Variants in TNNI3K observed in about 807,000 individuals in gnomAD.
TNNI3K encodes TNNI3 interacting kinase.
In TNNI3K, 140 loss-of-function variants were observed where a neutral mutation model predicts 114.5. The observed-to-expected ratio is 1.22, with a 90% CI of 1.07 to 1.41. The LOEUF (loss-of-function observed/expected upper bound fraction) is 1.41, where lower values mean the gene tolerates loss of function less well. Among genes scored for constraint, TNNI3K ranks in the 40% most tolerant of loss-of-function variants. The probability of loss-of-function intolerance (pLI) is 0.00; values close to 1 mark genes in which losing one functional copy is unlikely to be tolerated. For missense variants in TNNI3K, 1,125 were observed against 1,007.6 expected (o/e 1.12, Z -1.58); for synonymous variants, 347 against 347.5 (o/e 1.00, Z 0.02).
At chr1:74,409,704 G>T (rs938943235) in intron 17 of TNNI3K, among the ~76,000 whole-genome samples, 1 of 152,000 alleles carries the variant, frequency 6.6e-6, no homozygotes, top group East Asian at 1.9e-4. Context: ...TTGTTGGCCA[G>T]GCTGGTCTCG....
intron 21 of TNNI3K, chr1:74,480,362 T>C (rs1302778090): frequency 1.4e-6 from 1 of 717,618 alleles, no homozygotes. Context: ...AGACTTAATG[T>C]AGTTTCTTAA....
chr1:74,327,187 G>A (rs940413194), intron 5 of TNNI3K, among the ~76,000 whole-genome samples: 4 of 151,116 alleles, frequency 2.6e-5, no homozygotes, highest in African/African-American at 4.9e-5. Flanking sequence ...AGAGTCAACT[G>A]GTAAATAAAA....
chr1:74,265,980 GT>G (rs1178167493), intron 4 of TNNI3K, among the ~76,000 whole-genome samples: 2 of 151,928 alleles, frequency 1.3e-5, no homozygotes, highest in African/African-American at 4.8e-5. Context: ...CATTTTCTTT[GT>G]TTTTTACATT....
chr1:74,396,020 A>T (rs553387661), intron 17 of TNNI3K, among the ~76,000 whole-genome samples: 1 of 152,218 alleles, frequency 6.6e-6, no homozygotes. Context: ...GAGATGGGTT[A>T]TGCTCTTTGT....
chr1:74,471,837 T>C, intron 21 of TNNI3K: 1 of 449,060 alleles, frequency 2.2e-6, no homozygotes, highest in Non-Finnish European at 3.9e-6. Context: ...GCTTTGAGTG[T>C]TGTCTACGAT....
chr1:74,411,883 G>T (rs1420762383), intron 17 of TNNI3K, among the ~76,000 whole-genome samples: 1 of 152,090 alleles, frequency 6.6e-6, no homozygotes, highest in South Asian at 2.1e-4. Flanking sequence ...TGTAGACATG[G>T]GAGAAGGGGC....
chr1:74,480,106 T>G, intron 21 of TNNI3K: 1 of 666,274 alleles, frequency 1.5e-6, no homozygotes, highest in Non-Finnish European at 2.8e-6. Flanking sequence ...TGCAAAAATA[T>G]GGACAAGAGA....
At chr1:74,431,719 C>A (rs1032234111) in intron 17 of TNNI3K, among the ~76,000 whole-genome samples, 2 of 152,080 alleles carry the variant, frequency 1.3e-5, no homozygotes, top group South Asian at 2.1e-4. Flanking sequence ...TATAAAGCAG[C>A]GTGATCAAAA....
intron 17 of TNNI3K, chr1:74,371,295 T>C (rs1424364690): frequency 6.6e-6 from 1 of 151,902 alleles, no homozygotes; most frequent in Non-Finnish European, 1.5e-5. Context: ...GTTTAAAGAC[T>C]ATTTTCAGCA....
intron 23 of TNNI3K, 85 bp downstream of exon 23, chr1:74,492,351 C>T: frequency 7.4e-7 from 1 of 1,347,502 alleles, no homozygotes; most frequent in Non-Finnish European, 9.6e-7. Context: ...TTACTATTAA[C>T]AGGGTTTGAT....
At chr1:74,422,970 G>T (rs977987202) in intron 17 of TNNI3K, among the ~76,000 whole-genome samples, 2 of 152,088 alleles carry the variant, frequency 1.3e-5, no homozygotes, top group South Asian at 2.1e-4. Flanking sequence ...GTCTCAGTTG[G>T]TGGATTCATG....
chr1:74,467,571 A>C (rs910624910), intron 21 of TNNI3K, among the ~76,000 whole-genome samples: 4 of 151,928 alleles, frequency 2.6e-5, no homozygotes, highest in African/African-American at 9.7e-5. Context: ...AAATTATGGC[A>C]ATTATATTTT....
intron 11 of TNNI3K, among the ~76,000 whole-genome samples, chr1:74,357,861 T>C (rs1661744851): frequency 6.6e-6 from 1 of 152,088 alleles, no homozygotes. Context: ...GCCCTTTTCC[T>C]GTGGTACAAA....
intron 22 of TNNI3K, among the ~76,000 whole-genome samples, chr1:74,491,252 G>T (rs45621337): frequency 6.6e-6 from 1 of 152,082 alleles, no homozygotes; most frequent in Non-Finnish European, 1.5e-5. Flanking sequence ...AGAGAGTCTC[G>T]CTCTGTCTCC....
chr1:74,352,899 T>C (rs1249924427), intron 9 of TNNI3K, among the ~76,000 whole-genome samples: 1 of 152,226 alleles, frequency 6.6e-6, no homozygotes, highest in Non-Finnish European at 1.5e-5. Flanking sequence ...GGGAATTCCC[T>C]GACCCTTTGC....
chr1:74,310,513 A>C, intron 5 of TNNI3K, among the ~76,000 whole-genome samples: 1 of 152,212 alleles, frequency 6.6e-6, no homozygotes, highest in Non-Finnish European at 1.5e-5. Flanking sequence ...TAGCCAGAGA[A>C]GCCTAAGCAA....
intron 4 of TNNI3K, among the ~76,000 whole-genome samples, chr1:74,270,042 T>G (rs1211471471): frequency 1.3e-5 from 2 of 151,842 alleles, no homozygotes; most frequent in Non-Finnish European, 2.9e-5. Context: ...TAGTTTACCT[T>G]TAGAAATTGA....
At chr1:74,321,749 A>C (rs1659620847) in intron 5 of TNNI3K, among the ~76,000 whole-genome samples, 1 of 152,066 alleles carries the variant, frequency 6.6e-6, no homozygotes, top group Non-Finnish European at 1.5e-5. Flanking sequence ...TTAACCTGTG[A>C]TAATAAGAGA....
At chr1:74,311,793 C>T (rs1396723027) in intron 5 of TNNI3K, among the ~76,000 whole-genome samples, 1 of 151,976 alleles carries the variant, frequency 6.6e-6, no homozygotes, top group African/African-American at 2.4e-5. Context: ...GCAGAAAAAT[C>T]CTTTGCTTTT....
Sources: gnomAD v4.1 joint callset for allele counts (sites outside exome capture counted in the v4.1 genomes callset) on GRCh38, gnomAD v4.1.1 for gene constraint, MANE v1.5 for transcripts, NCBI Gene and HGNC (gene_info 2026-07-23, HGNC 2026-07-21) for gene names.